The following ANKRD11 variants were observed in gnomAD, a reference collection of about 807,000 sequenced individuals.
ANKRD11 encodes ankyrin repeat domain-containing protein 11.
Under a neutral mutation model 195.7 loss-of-function variants are expected in ANKRD11, and 17 were observed. The observed-to-expected ratio is 0.09, with a 90% CI of 0.06 to 0.13. The LOEUF (loss-of-function observed/expected upper bound fraction) is 0.13, where lower values mean the gene tolerates loss of function less well. ANKRD11 is among the 10% of genes least tolerant of loss of function. The probability of loss-of-function intolerance (pLI) is 1.00; values close to 1 mark genes in which losing one functional copy is unlikely to be tolerated. For synonymous variants in ANKRD11, 1,953 were observed against 1,528.1 expected (o/e 1.28, Z -6.49); for missense variants, 3,735 against 3,566.1 (o/e 1.05, Z -1.21).
intron 2 of ANKRD11, among the ~76,000 whole-genome samples, chr16:89,344,477 C>T (rs764018326): frequency 2.6e-5 from 4 of 152,278 alleles, no homozygotes; most frequent in Admixed American, 6.5e-5. Context: ...CTGTCTGAAG[C>T]GAGTGACACA....
At chr16:89,358,585 T>C (rs1301821396) in intron 2 of ANKRD11, among the ~76,000 whole-genome samples, 1 of 152,220 alleles carries the variant, frequency 6.6e-6, no homozygotes, top group Non-Finnish European at 1.5e-5. Context: ...CATTCATCTA[T>C]GTACTCACAA....
At chr16:89,292,631 C>T (rs756604161) in intron 4 of ANKRD11, among the ~76,000 whole-genome samples, 9 of 152,250 alleles carry the variant, frequency 5.9e-5, no homozygotes, top group Non-Finnish European at 1.2e-4. Context: ...ACCCCAAGTA[C>T]TGCAGGCTGC....
chr16:89,275,332 C>T lies in ANKRD11; in HGVS notation c.7471-141G>A, dbSNP rs563346366. 62 of 673,520 alleles carry T rather than the reference C, an allele frequency of 9.2e-5. No individual in the cohort carries two copies. In the Middle Eastern group the frequency reaches 1.2e-3, roughly 13 times the overall value. The allele number at this position is 673,520 out of a possible 1,614,324, so 41.7% of individuals were successfully genotyped here. On this transcript the variant is annotated intron_variant, in intron 9 of 12. Coordinates refer to ENST00000301030, the MANE Select transcript of ANKRD11 (RefSeq NM_013275.6). ...TGGAGGCCTCCTCCAGTCCCAGCAA[C>T]AGACACACCAGGAAGCTTCTAGAAA...
Position 89,281,896 on chromosome 16 carries a change from CTCATCT to C in ANKRD11, c.4640_4645del (p.Lys1547_Met1548del). On this transcript the variant is annotated inframe_deletion, in exon 9 of 13. Transcript: ENST00000301030. The surrounding 1 kb of genome is among the most constrained non-coding windows in gnomAD (Gnocchi z 5.5). Reference sequence around the variant, plus strand: ...TGGCGCTACCTTATCATTCCCGTTGCTCATCTTCACTGGGTCGCCCTTTTCTTTCTC... The same window carrying C: ...TGGCGCTACCTTATCATTCCCGTTGCTCACTGGGTCGCCCTTTTCTTTCTC... The C allele has an allele frequency of 6.2e-7, 1 of 1,613,718 alleles. No individual in the cohort carries two copies. The highest frequency in any genetic ancestry group is 8.5e-7 in the Non-Finnish European group (1 of 1,180,032).
At chr16:89,351,892 G>A (rs142100547) in intron 2 of ANKRD11, among the ~76,000 whole-genome samples, 1,811 of 152,302 alleles carry the variant, frequency 0.012, 33 homozygotes, top group African/African-American at 0.041. Context: ...CCTACGGTCT[G>A]TCAATCCTCT....
chr16:89,413,986 G>C (rs542839612), intron 2 of ANKRD11, among the ~76,000 whole-genome samples: 2 of 152,194 alleles, frequency 1.3e-5, no homozygotes, highest in East Asian at 3.9e-4. Context: ...AGGGGGCTCG[G>C]CTCTGGCTGA....
chr16:89,479,430 T>G (rs901027220), intron 1 of ANKRD11, among the ~76,000 whole-genome samples: 3 of 148,400 alleles, frequency 2.0e-5, no homozygotes, highest in African/African-American at 7.5e-5. Flanking sequence ...GTCGGGAGTT[T>G]GAGACCAGCC....
chr16:89,323,505 A>G (rs1275789947), intron 2 of ANKRD11, among the ~76,000 whole-genome samples: 5 of 92,824 alleles, frequency 5.4e-5, no homozygotes, highest in African/African-American at 2.4e-4. Context: ...GGCAGAGCCC[A>G]GGGCAGGGGG....
chr16:89,462,914 C>T (rs1246645554), intron 1 of ANKRD11, among the ~76,000 whole-genome samples: 1 of 151,540 alleles, frequency 6.6e-6, no homozygotes, highest in African/African-American at 2.4e-5. Context: ...GTCAGCCCCC[C>T]GCCCAGCTGC....
At chr16:89,288,028 G>C in intron 7 of ANKRD11, 1 of 517,486 alleles carries the variant, frequency 1.9e-6, no homozygotes, top group South Asian at 3.5e-5. Context: ...GACCTCTCTC[G>C]ACCCCCACAG....
At chr16:89,477,696 G>A (rs2057304561) in intron 1 of ANKRD11, among the ~76,000 whole-genome samples, 2 of 151,684 alleles carry the variant, frequency 1.3e-5, no homozygotes, top group Non-Finnish European at 2.9e-5. Flanking sequence ...GGAGAGGCCG[G>A]GCGCGGTGGC....
At chr16:89,425,583 C>A (rs1411649435) in intron 1 of ANKRD11, among the ~76,000 whole-genome samples, 1 of 152,228 alleles carries the variant, frequency 6.6e-6, no homozygotes, top group Non-Finnish European at 1.5e-5. Flanking sequence ...TCAAACCATT[C>A]TCCTGACCTC....
chr16:89,413,287 A>C (rs1246346880), intron 2 of ANKRD11, among the ~76,000 whole-genome samples: 3 of 152,210 alleles, frequency 2.0e-5, no homozygotes, highest in Non-Finnish European at 4.4e-5. Context: ...TAATAATGGA[A>C]GTATGGTGTT....
intron 2 of ANKRD11, among the ~76,000 whole-genome samples, chr16:89,334,050 G>C (rs1013855341): frequency 3.4e-5 from 5 of 147,612 alleles, no homozygotes; most frequent in African/African-American, 1.3e-4. Context: ...AGTGGCTCAA[G>C]CCTGTAAAAC....
intron 2 of ANKRD11, among the ~76,000 whole-genome samples, chr16:89,351,055 C>A (rs116590053): frequency 2.6e-5 from 4 of 152,158 alleles, no homozygotes; most frequent in Non-Finnish European, 5.9e-5. Context: ...ATGCATCCCC[C>A]GACCGCTATT....
intron 2 of ANKRD11, among the ~76,000 whole-genome samples, chr16:89,377,602 G>C (rs1416100504): frequency 6.6e-6 from 1 of 152,180 alleles, no homozygotes; most frequent in Non-Finnish European, 1.5e-5. Context: ...CCCACACCAG[G>C]TGACGAGGAG....
intron 1 of ANKRD11, among the ~76,000 whole-genome samples, chr16:89,434,635 G>A (rs2152277926): frequency 6.6e-6 from 1 of 152,298 alleles, no homozygotes; most frequent in Middle Eastern, 3.4e-3. Flanking sequence ...CACAACAGAT[G>A]TCTCCTGAGG....
chr16:89,385,879 G>A (rs1001590090), intron 2 of ANKRD11, among the ~76,000 whole-genome samples: 3 of 152,216 alleles, frequency 2.0e-5, no homozygotes, highest in East Asian at 1.9e-4. Flanking sequence ...ATTTGTGACC[G>A]TTCCCTCCGT....
intron 1 of ANKRD11, among the ~76,000 whole-genome samples, chr16:89,436,993 T>C (rs1382942373): frequency 6.6e-6 from 1 of 152,236 alleles, no homozygotes; most frequent in African/African-American, 2.4e-5. Flanking sequence ...AAACAAAAGA[T>C]GGTCAAAGTT....
Sources: gnomAD v4.1 joint callset for allele counts (sites outside exome capture counted in the v4.1 genomes callset) on GRCh38, gnomAD v4.1.1 for gene constraint, Gnocchi (gnomAD v3.1) non-coding constraint, MANE v1.5 for transcripts, NCBI Gene and HGNC (gene_info 2026-07-23, HGNC 2026-07-21) for gene names.